Variants in PYGB observed in about 807,000 individuals in gnomAD.
The protein encoded by PYGB is glycogen phosphorylase B.
A neutral mutation model predicts 94.3 loss-of-function variants in PYGB; 82 were observed. That is an observed-to-expected ratio of 0.87 (90% CI 0.73 to 1.04). The LOEUF is 1.04. Among genes scored for constraint, PYGB ranks in the 50% least tolerant of loss-of-function variants. The pLI is 0.00. For synonymous variants in PYGB, 488 were observed against 479.1 expected (o/e 1.02, Z -0.24); for missense variants, 1,132 against 1,158.2 (o/e 0.98, Z 0.33).
intron 15 of PYGB, chr20:25,288,700 C>T: frequency 1.7e-6 from 1 of 590,074 alleles, no homozygotes; most frequent in Non-Finnish European, 3.0e-6. Context: ...GAGGGGTCCC[C>T]AGCCTAGAGG....
intron 17 of PYGB, among the ~76,000 whole-genome samples, chr20:25,293,229 G>T (rs866089964): frequency 1.3e-5 from 2 of 151,972 alleles, no homozygotes; most frequent in African/African-American, 4.8e-5. Flanking sequence ...CCTTATCCCC[G>T]CGCCCCTCCG....
chr20:25,295,738 T>C (rs2088532078), intron 19 of PYGB, 68 bp downstream of exon 19: 32 of 1,490,666 alleles, frequency 2.1e-5, no homozygotes, highest in South Asian at 4.5e-5. Flanking sequence ...TTGGGTCAGA[T>C]TGTTTATTTC....
At chr20:25,264,154 A>C (rs2092919376) in intron 2 of PYGB, among the ~76,000 whole-genome samples, 1 of 152,252 alleles carries the variant, frequency 6.6e-6, no homozygotes, top group Admixed American at 6.5e-5. Flanking sequence ...AATCCATCAT[A>C]TAAACAGAAT....
At chr20:25,282,008 A>G (rs2088371963) in intron 11 of PYGB, 25 bp from the exon 12 acceptor site, 1 of 1,568,356 alleles carries the variant, frequency 6.4e-7, no homozygotes, top group Admixed American at 1.7e-5. Context: ...CATTTGTGAC[A>G]GTTCCCTGTT....
At chr20:25,269,329 T>G in intron 3 of PYGB, 122 bp downstream of exon 3, 1 of 683,930 alleles carries the variant, frequency 1.5e-6, no homozygotes, top group Non-Finnish European at 2.4e-6. Flanking sequence ...GATGGGCCAG[T>G]GTGTTCTTCA....
intron 14 of PYGB, among the ~76,000 whole-genome samples, 193 bp downstream of exon 14, chr20:25,284,444 G>C (rs2088399821): frequency 6.6e-6 from 1 of 152,216 alleles, no homozygotes. Flanking sequence ...GGCCTCACGT[G>C]AGCAGGTGAA....
chr20:25,259,041 G>C (rs2092908063), intron 1 of PYGB, among the ~76,000 whole-genome samples, 196 bp from the exon 2 acceptor site: 2 of 152,246 alleles, frequency 1.3e-5, no homozygotes, highest in African/African-American at 2.4e-5. Context: ...GTGTTGAGGA[G>C]GGGTCTCCTG....
Position 25,296,476 on chromosome 20 carries a change from A to G in PYGB, c.2486A>G (p.Glu829Gly). The change falls in exon 20 of 20, where the codon GAG becomes GGG. Residue 829 changes from glutamate (E) to glycine (G), a missense_variant. By Grantham distance (98) the Glu-to-Gly change is moderately conservative. Transcript: ENST00000216962. ...TATGCACGGGAGATCTGGGGTGTGG[A>G]GCCCTCCGACCTGCAGATCCCGCCC... ...TEYAREIWGV[E>G]PSDLQIPPPN... 1 of 1,613,748 alleles carries G rather than the reference A, an allele frequency of 6.2e-7. No homozygotes were observed. The highest frequency in any genetic ancestry group is 8.5e-7 in the Non-Finnish European group (1 of 1,179,974).
chr20:25,269,188 A>T lies in PYGB; in HGVS notation c.405A>T (p.Gly135=), dbSNP rs747472450. The T allele has an allele frequency of 1.9e-6, 3 of 1,594,240 alleles. No homozygotes were observed. The highest frequency in any genetic ancestry group is 2.6e-6 in the Non-Finnish European group (3 of 1,162,482). The stretch of plus-strand genomic sequence containing the variant: ...AAGAAGATGCTGGCCTTGGGAATGG[A>T]GGCCTGGGGAGGCTGGCAGGTAAGT... ...EIEEDAGLGN[G]GLGRLAACFL... is the part of the protein sequence containing the mutation. The change falls in exon 3 of 20, where the codon GGA becomes GGT. Residue 135 remains glycine (G), a synonymous_variant. Transcript: ENST00000216962.
At chr20:25,250,912 G>T (rs1301439394) in intron 1 of PYGB, 1 of 152,102 alleles carries the variant, frequency 6.6e-6, no homozygotes, top group African/African-American at 2.4e-5. Flanking sequence ...CACTTCTATC[G>T]CCCACTTTGT....
At chr20:25,277,352 G>C in intron 7 of PYGB, 26 bp downstream of exon 7, 1 of 1,527,504 alleles carries the variant, frequency 6.5e-7, no homozygotes, top group Non-Finnish European at 9.1e-7. Context: ...GGGCACTCTT[G>C]CTCAGGCCGT....
intron 3 of PYGB, among the ~76,000 whole-genome samples, chr20:25,270,212 T>TG (rs2088254851): frequency 6.7e-6 from 1 of 149,176 alleles, no homozygotes; most frequent in African/African-American, 2.5e-5. Flanking sequence ...TTTTGTTTTT[T>TG]TTTTTTTTGA....
At chr20:25,253,228 C>G (rs559137841) in intron 1 of PYGB, among the ~76,000 whole-genome samples, 1 of 152,212 alleles carries the variant, frequency 6.6e-6, no homozygotes, top group Non-Finnish European at 1.5e-5. Flanking sequence ...TGGCCCACCC[C>G]ACTCTGTAGG....
At chr20:25,290,691 G>A (rs1568698662) in intron 16 of PYGB, 69 bp downstream of exon 16, 12 of 1,563,542 alleles carry the variant, frequency 7.7e-6, no homozygotes, top group South Asian at 1.1e-5. Flanking sequence ...TACTGGCCCC[G>A]GGCCTTTCAT....
chr20:25,296,683 G>GGGT lies in PYGB; in HGVS notation c.*162_*164dup. 5 of 926,466 alleles carry GGGT rather than the reference G, an allele frequency of 5.4e-6. No individual in the cohort carries two copies. Among genetic ancestry groups the GGGT allele is most frequent in the Non-Finnish European group, 7.9e-6 (5 of 635,656 alleles). 57.4% of individuals were successfully genotyped at this position (926,466 alleles called of 1,614,324 possible). ...GGGTCAGGGTGGTTTTGAGAGAGCA[G>GGGT]GGTAAGGAAGGAATGTGCTAGAAGT... On this transcript the variant is annotated 3_prime_UTR_variant, in exon 20 of 20. Transcript: ENST00000216962.
chr20:25,264,448 T>G (rs924761682), intron 2 of PYGB, among the ~76,000 whole-genome samples: 7 of 152,220 alleles, frequency 4.6e-5, no homozygotes, highest in East Asian at 1.9e-4. Flanking sequence ...GAGAAAGAAA[T>G]AAAGGGTATT....
chr20:25,251,359 A>T (rs982556968), intron 1 of PYGB: 3 of 152,198 alleles, frequency 2.0e-5, no homozygotes, highest in African/African-American at 7.2e-5. Flanking sequence ...TTTCTTTGCC[A>T]TTATTGGCCT....
At chr20:25,258,193 G>A (rs187274910) in intron 1 of PYGB, among the ~76,000 whole-genome samples, 43 of 152,328 alleles carry the variant, frequency 2.8e-4, no homozygotes, top group Middle Eastern at 6.8e-3. Flanking sequence ...GTATTCTTAA[G>A]TTATGTATTA....
chr20:25,259,737 CCTAGTTGT>C (rs1053138247), intron 2 of PYGB, among the ~76,000 whole-genome samples: 1 of 152,150 alleles, frequency 6.6e-6, no homozygotes, highest in Non-Finnish European at 1.5e-5. Context: ...CGGAGCTCAC[CCTAGTTGT>C]CTAGTTGTAA....
Sources: allele counts gnomAD v4.1 joint callset (sites outside exome capture counted in the v4.1 genomes callset), GRCh38; gene constraint gnomAD v4.1.1; transcripts MANE v1.5; gene names NCBI Gene and HGNC (gene_info 2026-07-23, HGNC 2026-07-21).